PEAR1: variants seen among roughly 807,000 people sequenced by gnomAD.
The protein encoded by PEAR1 is multiple EGF-like domains protein 12.
Under a neutral mutation model 131.2 loss-of-function variants are expected in PEAR1, and 113 were observed. The ratio of observed to expected loss-of-function variants is 0.86; its 90% CI spans 0.74 to 1.01. The LOEUF is 1.01. Among genes scored for constraint, PEAR1 ranks in the 50% least tolerant of loss-of-function variants. The pLI, the probability that PEAR1 is intolerant of heterozygous loss-of-function variation, is 0.00. For missense variants in PEAR1, 1,408 were observed against 1,391.1 expected (o/e 1.01, Z -0.19); for synonymous variants, 565 against 523.3 (o/e 1.08, Z -1.09).
intron 16 of PEAR1, 38 bp from the exon 17 acceptor site, chr1:156,912,456 G>A: frequency 2.5e-6 from 4 of 1,605,230 alleles, no homozygotes; most frequent in Non-Finnish European, 3.4e-6. Context: ...TTTCCTGGCG[G>A]CTCTGATGCC....
In PEAR1 at chr1:156,911,177, T is replaced by TTC. The variant is rs1190962246; in HGVS notation, c.1951+435_1951+436insCT. 2.5e-4 allele frequency among the ~76,000 whole-genome samples: 32 copies of TTC among 128,662 alleles called. 1 individual carries two copies. Among genetic ancestry groups the TTC allele is most frequent in the African/African-American group, 9.4e-4 (29 of 30,842 alleles). The allele number at this position is 128,662 out of a possible 152,430, so 84.4% of individuals were successfully genotyped here. A position where few individuals can be genotyped will look rare whatever the true frequency, so the allele number is the denominator to read the frequency against. On this transcript the variant is annotated intron_variant, in intron 15 of 22. Transcript: ENST00000292357. ...CTTTTTCTTTCTTTCTTTCCTTTCT[T>TTC]TTCTTTCTTCTTTCTTTCTTTCTTT... is the stretch of plus-strand genomic sequence containing the variant.
chr1:156,905,302 G>A (rs1470109736), intron 3 of PEAR1, 22 bp from the exon 4 acceptor site: 3 of 1,606,918 alleles, frequency 1.9e-6, no homozygotes, highest in Non-Finnish European at 2.5e-6. Flanking sequence ...AGGGCTGAGG[G>A]CCGCCTTCCT....
chr1:156,912,682 C>T, intron 17 of PEAR1, 60 bp downstream of exon 17: 1 of 1,609,606 alleles, frequency 6.2e-7, no homozygotes, highest in Non-Finnish European at 8.5e-7. Flanking sequence ...ACCTAGGCCC[C>T]TCATACAGTC....
At position 156,912,884 on chromosome 1, in the gene PEAR1, T is replaced by C. The variant is rs749378276; in HGVS notation, c.2324T>C (p.Phe775Ser). The change falls in exon 18 of 23, where the codon TTC (phenylalanine) becomes TCC (serine). Residue 775 changes from phenylalanine to serine, a missense_variant. Phe to Ser is a radical substitution (Grantham distance 155, BLOSUM62 -2). Transcript: ENST00000292357. ...CTTGTGGTAGCCCTGGTGGCACTGT[T>C]CATTGGCTATCGGCACTGGCAAAAA... ...GSLVVALVAL[F>S]IGYRHWQKGK... The C allele has an allele frequency of 3.1e-6, 5 of 1,614,224 alleles. No individual in the cohort carries two copies. The South Asian group carries it at 5.5e-5, about 18-fold the overall frequency.
At position 156,910,648 on chromosome 1, in the gene PEAR1, G is replaced by C. The variant is rs1369927980; in HGVS notation, c.1856G>C (p.Cys619Ser). ...SCQPGRYGKR[C>S]VPCKCANHSF... ...CAGCCTGGCCGCTATGGCAAACGCTGTGTGCCCTGCAAGTGCGCTAACCAC... is the reference window on the plus strand; with the variant it reads ...CAGCCTGGCCGCTATGGCAAACGCTCTGTGCCCTGCAAGTGCGCTAACCAC... The change falls in exon 15 of 23, where the codon TGT becomes TCT. Residue 619 changes from cysteine to serine, a missense_variant. Transcript: ENST00000292357. 2 of 1,613,966 alleles carry C rather than the reference G, an allele frequency of 1.2e-6. No individual in the cohort carries two copies. Among genetic ancestry groups the C allele is most frequent in the African/African-American group, 2.7e-5 (2 of 74,924 alleles).
Position 156,908,704 on chromosome 1 carries a change from C to T in PEAR1, c.1165C>T (p.Leu389Phe), listed in dbSNP as rs1393121264. The T allele has an allele frequency of 4.5e-6, 7 of 1,541,936 alleles. No individual in the cohort carries two copies. Among genetic ancestry groups the T allele is most frequent in the East Asian group, 2.4e-5 (1 of 41,080 alleles). ...CTCCTGCCTGCCGGGCTGGGCGGGC[C>T]TCCACTGCAACGAGAGCTGCCCGCA... ...ECSCLPGWAG[L>F]HCNESCPQDT... Residue 389 changes from leucine to phenylalanine, a missense_variant, in exon 10 of 23, where the codon CTC becomes TTC. Leu to Phe is a conservative substitution (Grantham distance 22, BLOSUM62 0). Transcript: ENST00000292357. The surrounding 1 kb of genome is among the most constrained non-coding windows in gnomAD (Gnocchi z 4.2).
rs189661832 is a variant in PEAR1 at position 156,904,136 on chromosome 1, T to C, written c.101+109T>C. On this transcript the variant is annotated intron_variant, in intron 2 of 22. Coordinates refer to ENST00000292357, the MANE Select transcript of PEAR1 (RefSeq NM_001080471.3). Reference sequence around the variant, plus strand: ...GGTCCTTCCTTAATCTCCTTCCTTCTCTCTAGTCTCTCCCCTCCCGCCTAT... The same window carrying C: ...GGTCCTTCCTTAATCTCCTTCCTTCCCTCTAGTCTCTCCCCTCCCGCCTAT... 7.7e-5 allele frequency: 64 copies of C among 829,838 alleles called. No individual in the cohort carries two copies. The Middle Eastern group carries it at 1.3e-3, about 17-fold the overall frequency. 51.4% of individuals were successfully genotyped at this position (829,838 alleles called of 1,614,324 possible). A position where few individuals can be genotyped will look rare whatever the true frequency, so the allele number is the denominator to read the frequency against.
In PEAR1 at chr1:156,908,291, G is replaced by T. The variant is rs777258781; in HGVS notation, c.1066G>T (p.Gly356Cys). 13 of 1,575,642 alleles carry T rather than the reference G, an allele frequency of 8.3e-6. No individual in the cohort carries two copies. Among genetic ancestry groups the T allele is most frequent in the Non-Finnish European group, 1.1e-5 (13 of 1,165,436 alleles). The change falls in exon 9 of 23, where the codon GGT becomes TGT. Residue 356 changes from glycine to cysteine, a missense_variant. Gly to Cys is a radical substitution (Grantham distance 159). Coordinates refer to ENST00000292357, the MANE Select transcript of PEAR1 (RefSeq NM_001080471.3). This position sits in a 1 kb window ranked among gnomAD's most constrained non-coding sequence, Gnocchi z 4.2. ...TCGCCTCTGCCCCGACGGCTTCTAC[G>T]GTCTCAGCTGCCAGGCCCCCTGCAC... ...TDRLCPDGFY[G>C]LSCQAPCTCD...
At chr1:156,906,901 C>T in intron 6 of PEAR1, 21 bp downstream of exon 6, 1 of 1,609,666 alleles carries the variant, frequency 6.2e-7, no homozygotes, top group Non-Finnish European at 8.5e-7. Flanking sequence ...GGGGGAACGA[C>T]ACTTTAACAA....
Position 156,908,817 on chromosome 1 carries a change from G to A in PEAR1, c.1278G>A (p.Ala426=), listed in dbSNP as rs1028283927. 1.9e-6 allele frequency: 3 copies of A among 1,606,698 alleles called. No individual in the cohort carries two copies. The highest frequency in any genetic ancestry group is 2.2e-5 in the South Asian group (2 of 90,988). Residue 426 remains alanine, a synonymous_variant, in exon 10 of 23, where the codon GCG becomes GCA. Transcript: ENST00000292357. The surrounding 1 kb of genome is among the most constrained non-coding windows in gnomAD (Gnocchi z 4.2). ...CTACCAGCGGCCTCTGTCAGTGCGC[G>A]CCGGGTTACACGGTGAGGCGCGCCC... The part of the protein sequence containing the change: ...CQATSGLCQC[A]PGYTGPHCAS...
rs987272848 is a variant in PEAR1, at chr1:156,912,958, G to T, written c.2398G>T (p.Asp800Tyr). 6.2e-7 allele frequency: 1 copy of T among 1,614,164 alleles called. No individual in the cohort carries two copies. Among genetic ancestry groups the T allele is most frequent in the Middle Eastern group, 1.7e-4 (1 of 6,046 alleles). ...LAVAYSSGRL[D>Y]GSEYVMPDVP... Reference sequence around the variant, plus strand: ...TGTGGCTTACAGCAGCGGGCGCCTGGACGGCTCCGAGTATGTCATGCCAGG... The same window carrying T: ...TGTGGCTTACAGCAGCGGGCGCCTGTACGGCTCCGAGTATGTCATGCCAGG... The change falls in exon 18 of 23, where the codon GAC becomes TAC. Residue 800 changes from aspartate (D) to tyrosine (Y), a missense_variant. By Grantham distance (160) the Asp-to-Tyr change is radical. Transcript: ENST00000292357.
intron 1 of PEAR1, among the ~76,000 whole-genome samples, chr1:156,903,650 C>T (rs1195777368): frequency 6.6e-6 from 1 of 152,108 alleles, no homozygotes; most frequent in Non-Finnish European, 1.5e-5. Flanking sequence ...AGGGGTGGCA[C>T]CTGAACTAGA....
At chr1:156,912,737 T>A (rs959589965) in intron 17 of PEAR1, 33 bp from the exon 18 acceptor site, 20 of 1,613,534 alleles carry the variant, frequency 1.2e-5, no homozygotes, top group Non-Finnish European at 1.5e-5. Flanking sequence ...AGAGCCAAGA[T>A]GCCATTCTGA....
At chr1:156,912,663 G>A (rs1481133669) in intron 17 of PEAR1, 41 bp downstream of exon 17, 3 of 1,609,534 alleles carry the variant, frequency 1.9e-6, no homozygotes, top group Non-Finnish European at 2.5e-6. Flanking sequence ...TTGTCCCCAG[G>A]GAACTGGGAC....
In PEAR1 at chr1:156,908,610, C is replaced by T. The variant is rs563922459; in HGVS notation, c.1116-45C>T. On this transcript the variant is annotated intron_variant, in intron 9 of 22. Coordinates refer to ENST00000292357, the MANE Select transcript of PEAR1 (RefSeq NM_001080471.3). The surrounding 1 kb of genome is among the most constrained non-coding windows in gnomAD (Gnocchi z 4.2). ...CGGAGGGGTCGGGAAGCTGCCCTGC[C>T]CCTGCCCAGCTCAGACCGCGCCACG... 19 of 1,471,130 alleles carry T rather than the reference C, an allele frequency of 1.3e-5. No individual in the cohort carries two copies. In the African/African-American group the frequency reaches 2.0e-4, roughly 15 times the overall value. 91.1% of individuals were successfully genotyped at this position (1,471,130 alleles called of 1,614,324 possible).
chr1:156,913,148 T>C, intron 18 of PEAR1, 46 bp from the exon 19 acceptor site: 1 of 1,592,252 alleles, frequency 6.3e-7, no homozygotes, highest in Non-Finnish European at 8.6e-7. Flanking sequence ...TCTCTTGGAC[T>C]CCTGCCCATC....
In PEAR1 at chr1:156,913,406, T is replaced by C; in HGVS notation, c.2527T>C (p.Phe843Leu). ...CCCCTCTTAGGTTCCAGGCCCGCTC[T>C]TTGCCAGCCTGCAGAACCCTGAGCG... ...PPPNKVPGPL[F>L]ASLQNPERPG... is the part of the protein sequence containing the mutation. Residue 843 changes from phenylalanine to leucine, a missense_variant, in exon 20 of 23, where the codon TTT (phenylalanine) becomes CTT (leucine). Physicochemically the swap from Phe to Leu is conservative, Grantham distance 22. Transcript: ENST00000292357. 6.3e-7 allele frequency: 1 copy of C among 1,599,120 alleles called. No individual in the cohort carries two copies. The highest frequency in any genetic ancestry group is 8.5e-7 in the Non-Finnish European group (1 of 1,179,744).
At chr1:156,909,110 G>T in intron 11 of PEAR1, 74 bp downstream of exon 11, 1 of 1,592,916 alleles carries the variant, frequency 6.3e-7, no homozygotes, top group Non-Finnish European at 8.5e-7. Flanking sequence ...CAAGAGTATG[G>T]GTGGGCCAAG....
At position 156,906,870 on chromosome 1, in the gene PEAR1, A is replaced by G. The variant is rs1400886751; in HGVS notation, c.634A>G (p.Thr212Ala). The change falls in exon 6 of 23, where the codon ACT becomes GCT. Residue 212 changes from threonine to alanine, a missense_variant. Physicochemically the swap from Thr to Ala is moderately conservative, Grantham distance 58. Coordinates refer to ENST00000292357, the MANE Select transcript of PEAR1 (RefSeq NM_001080471.3). ...TGACFCPAERTGPSCDVSCSQ... is the reference protein window; with the variant it reads ...TGACFCPAERAGPSCDVSCSQ... ...AGCCTGCTTCTGCCCCGCAGAGAGA[A>G]CTGGGCCCAGGTATGTAATGGGGGG... 1 of 1,613,890 alleles carries G rather than the reference A, an allele frequency of 6.2e-7. No homozygotes were observed. The highest frequency in any genetic ancestry group is 2.2e-5 in the East Asian group (1 of 44,876).
Sources: gnomAD v4.1 joint callset for allele counts (sites outside exome capture counted in the v4.1 genomes callset) on GRCh38, gnomAD v4.1.1 for gene constraint, Gnocchi (gnomAD v3.1) non-coding constraint, MANE v1.5 for transcripts, NCBI Gene and HGNC (gene_info 2026-07-23, HGNC 2026-07-21) for gene names.